The following ARL13A variants were observed in gnomAD, a reference collection of about 807,000 sequenced individuals.
ARL13A encodes ADP-ribosylation factor-like protein 13A.
In ARL13A, 16 loss-of-function variants were observed where a neutral mutation model predicts 19.1. The ratio of observed to expected loss-of-function variants is 0.84; its 90% confidence interval spans 0.57 to 1.27. The LOEUF (loss-of-function observed/expected upper bound fraction) is 1.27. Among genes scored for constraint, ARL13A ranks in the 50% most tolerant of loss-of-function variants. The pLI is 0.00. For synonymous variants in ARL13A, 69 were observed against 71.3 expected, an observed-to-expected ratio of 0.97 and a Z score of 0.17; for missense variants, 153 against 186.4, an observed-to-expected ratio of 0.82 and a Z score of 1.04.
At chrX:100,984,754 AAGAG>A (rs889383675) in intron 3 of ARL13A, among the ~76,000 whole-genome samples, 1 of 111,989 alleles carries the variant, frequency 8.9e-6, no homozygotes, top group Non-Finnish European at 1.9e-5. Context: ...CTCAACAAGA[AAGAG>A]AGAGAGAAGT....
chrX:100,970,184 C>A (rs1049968909), intron 1 of ARL13A, among the ~76,000 whole-genome samples: 1 of 112,684 alleles, frequency 8.9e-6, no homozygotes, highest in African/African-American at 3.2e-5. Flanking sequence ...CTGGTCATAT[C>A]AGCTTCATGT....
At chrX:100,976,344 G>T (rs778206697) in intron 3 of ARL13A, among the ~76,000 whole-genome samples, 2 of 110,945 alleles carry the variant, frequency 1.8e-5, no homozygotes, top group Non-Finnish European at 3.8e-5. Flanking sequence ...TTAATTCCTA[G>T]AGGACACTGC....
intron 3 of ARL13A, among the ~76,000 whole-genome samples, chrX:100,982,281 A>T (rs1015177223): frequency 9.1e-6 from 1 of 109,735 alleles, no homozygotes; most frequent in Non-Finnish European, 1.9e-5. Context: ...ACCTGAGGTC[A>T]GGAGTTCGAG....
In ARL13A at chrX:100,973,646, C is replaced by A. The variant is rs371096120; in HGVS notation, c.-14-30C>A. ...TCAGTGTTTATAACAGGACTTACTT[C>A]TTATTTTCTTTCTTCTCTTAATATT... On this transcript the variant is annotated intron_variant, in intron 1 of 7. Transcript: ENST00000450049. 83 of 1,183,839 alleles carry A rather than the reference C, an allele frequency of 7.0e-5. 1 individual carries two copies. In the African/African-American group the frequency reaches 1.2e-3, roughly 18 times the overall value.
chrX:100,984,042 G>GT (rs1294931607), intron 3 of ARL13A, among the ~76,000 whole-genome samples: 1 of 111,043 alleles, frequency 9.0e-6, no homozygotes, highest in East Asian at 2.8e-4. Flanking sequence ...AGCTAGGCTA[G>GT]AACGGTCAGT....
chrX:100,985,768 G>A lies in ARL13A; in HGVS notation c.232G>A (p.Gly78Ser). 8.3e-7 allele frequency: 1 copy of A among 1,211,478 alleles called. No individual in the cohort carries two copies. The highest frequency in any genetic ancestry group is 1.8e-5 in the South Asian group (1 of 56,977). ...CTATGACCTGAATGGAGACCTGAAG[G>A]GCCGGGAAGCATGGCCAAACTACTA... ...SIYDLNGDLK[G>S]REAWPNYYAQ... The change falls in exon 4 of 8, where the codon GGC becomes AGC. Residue 78 changes from glycine to serine, a missense_variant. Gly to Ser is a moderately conservative substitution (Grantham distance 56). Transcript: ENST00000450049.
At chrX:100,990,058 T>C (rs1569464045) in intron 7 of ARL13A, among the ~76,000 whole-genome samples, 1 of 112,884 alleles carries the variant, frequency 8.9e-6, no homozygotes. Flanking sequence ...AGAGAATGGA[T>C]ACCTGGGACA....
At chrX:100,980,126 C>T (rs1057164940) in intron 3 of ARL13A, among the ~76,000 whole-genome samples, 2 of 111,132 alleles carry the variant, frequency 1.8e-5, no homozygotes, top group African/African-American at 6.6e-5. Flanking sequence ...ATTCAAGGCC[C>T]AAGGGCACTT....
At chrX:100,988,656 C>A in intron 7 of ARL13A, 3 of 684,724 alleles carry the variant, frequency 4.4e-6, no homozygotes, top group Non-Finnish European at 5.7e-6. Flanking sequence ...TTTCTTTCCT[C>A]ACTCTATGGT....
At chrX:100,978,146 C>A (rs1174493777) in intron 3 of ARL13A, among the ~76,000 whole-genome samples, 1 of 112,220 alleles carries the variant, frequency 8.9e-6, no homozygotes, top group East Asian at 2.8e-4. Flanking sequence ...CACAGCCTTG[C>A]CAGAATGATC....
chrX:100,984,711 A>G, intron 3 of ARL13A, among the ~76,000 whole-genome samples: 1 of 112,091 alleles, frequency 8.9e-6, no homozygotes, highest in East Asian at 2.8e-4. Context: ...CAAGCACAAA[A>G]AGAGGTGAAG....
intron 3 of ARL13A, among the ~76,000 whole-genome samples, chrX:100,980,834 T>C (rs1172681752): frequency 9.0e-6 from 1 of 111,413 alleles, no homozygotes; most frequent in Non-Finnish European, 1.9e-5. Flanking sequence ...ACTGGGTCCT[T>C]CCTTTCAGGG....
intron 3 of ARL13A, 26 bp downstream of exon 3, chrX:100,974,223 T>C: frequency 9.1e-7 from 1 of 1,100,114 alleles, no homozygotes; most frequent in Non-Finnish European, 1.2e-6. Context: ...CATTAGATAC[T>C]GGCGTGGGTC....
chrX:100,970,203 G>A (rs1042654308), intron 1 of ARL13A, among the ~76,000 whole-genome samples: 1 of 112,571 alleles, frequency 8.9e-6, no homozygotes, highest in African/African-American at 3.2e-5. Context: ...GTGCAAAACT[G>A]GAGTAAGGCT....
At chrX:100,981,704 G>A (rs2085858765) in intron 3 of ARL13A, among the ~76,000 whole-genome samples, 1 of 108,316 alleles carries the variant, frequency 9.2e-6, no homozygotes, top group Non-Finnish European at 1.9e-5. Flanking sequence ...ATTTACTCAG[G>A]AGGCTAAGGT....
chrX:100,984,310 T>G (rs1378825241), intron 3 of ARL13A, among the ~76,000 whole-genome samples: 5 of 109,801 alleles, frequency 4.6e-5, no homozygotes, highest in Non-Finnish European at 9.5e-5. Context: ...TTTCTTTTTT[T>G]GTATTTTTAG....
At chrX:100,989,333 C>T (rs769377546) in intron 7 of ARL13A, among the ~76,000 whole-genome samples, 1 of 111,202 alleles carries the variant, frequency 9.0e-6, no homozygotes, top group Admixed American at 9.6e-5. Flanking sequence ...TCTTTTTGGC[C>T]AGGCGTAGTG....
At chrX:100,975,360 A>G (rs1270530764) in intron 3 of ARL13A, among the ~76,000 whole-genome samples, 3 of 111,639 alleles carry the variant, frequency 2.7e-5, no homozygotes, top group Non-Finnish European at 3.8e-5. Context: ...TGACCTCAGG[A>G]AAGCCTTCCC....
intron 3 of ARL13A, among the ~76,000 whole-genome samples, chrX:100,984,572 T>A (rs1413807484): frequency 2.7e-5 from 3 of 112,655 alleles, no homozygotes; most frequent in Non-Finnish European, 5.6e-5. Context: ...GGAAGAGATA[T>A]GTGGGAGACA....
Sources: gnomAD v4.1 joint callset for allele counts (sites outside exome capture counted in the v4.1 genomes callset) on GRCh38, gnomAD v4.1.1 for gene constraint, MANE v1.5 for transcripts, NCBI Gene and HGNC (gene_info 2026-07-23, HGNC 2026-07-21) for gene names.